The following ATPAF2 variants were observed in gnomAD, a reference collection of about 807,000 sequenced individuals.
ATPAF2 encodes ATP synthase mitochondrial F1 complex assembly factor 2, also known as ATP12 homolog.
ATPAF2 carries 30 observed loss-of-function variants against 36.6 expected under a neutral mutation model. The observed-to-expected ratio is 0.82, with a 90% CI of 0.61 to 1.11. The LOEUF is 1.11. Ranked by LOEUF, ATPAF2 falls within the 50% of genes most tolerant of loss-of-function variation. The pLI, the probability that ATPAF2 is intolerant of heterozygous loss-of-function variation, is 0.00. For synonymous variants in ATPAF2, 140 were observed against 152.6 expected (o/e 0.92, Z 0.61); for missense variants, 321 against 372.3 (o/e 0.86, Z 1.13).
At chr17:18,017,970 ATTTGTTT>A (rs1399373464), downstream of ATPAF2, 1 of 159,950 alleles carries the variant, frequency 6.3e-6, no homozygotes, top group Non-Finnish European at 1.4e-5. Context: ...AGAGTAAATC[ATTTGTTT>A]TAGAACAGTA....
At chr17:18,027,619 C>T (rs2044566714) in intron 3 of ATPAF2, among the ~76,000 whole-genome samples, 1 of 152,214 alleles carries the variant, frequency 6.6e-6, no homozygotes, top group Non-Finnish European at 1.5e-5. Flanking sequence ...GCTGCAGAGG[C>T]TGGACCTAAG....
intron 5 of ATPAF2, 40 bp downstream of exon 5, chr17:18,024,584 G>T: frequency 6.4e-7 from 1 of 1,554,348 alleles, no homozygotes. Flanking sequence ...ACCAAACGCA[G>T]GTGCCCAGTC....
At chr17:18,021,678 G>T in intron 6 of ATPAF2, 67 bp downstream of exon 6, 2 of 1,391,458 alleles carry the variant, frequency 1.4e-6, no homozygotes, top group Non-Finnish European at 2.0e-6. Flanking sequence ...GGAGGGGCAA[G>T]TACAGGCTTC....
Position 18,027,130 on chromosome 17 carries a change from A to C in ATPAF2, c.325-714T>G, listed in dbSNP as rs543829378. 2.6e-5 allele frequency among the ~76,000 whole-genome samples: 4 copies of C among 151,990 alleles called. No homozygotes were observed. The South Asian group carries it at 8.3e-4, about 32-fold the overall frequency. On this transcript the variant is annotated intron_variant, in intron 3 of 7. Coordinates refer to ENST00000474627, the MANE Select transcript of ATPAF2 (RefSeq NM_145691.4). Reference sequence around the variant, plus strand: ...CAGCTGCTTGGGAGGCTGAGACGGGAGAATCGCTTGAACCCAGGAGGCAGA... The same window carrying C: ...CAGCTGCTTGGGAGGCTGAGACGGGCGAATCGCTTGAACCCAGGAGGCAGA...
intron 5 of ATPAF2, 41 bp from the exon 6 acceptor site, chr17:18,021,898 A>G (rs1344362522): frequency 6.4e-7 from 1 of 1,562,786 alleles, no homozygotes; most frequent in Admixed American, 1.7e-5. Context: ...GTCATGCTGT[A>G]GCCCAAGAGC....
At chr17:18,018,965 C>T (rs550131670) in intron 7 of ATPAF2, among the ~76,000 whole-genome samples, 2 of 152,186 alleles carry the variant, frequency 1.3e-5, no homozygotes, top group South Asian at 2.1e-4. Flanking sequence ...GGTGCAACCT[C>T]GCCTCTACAA....
intron 3 of ATPAF2, 21 bp downstream of exon 3, chr17:18,028,211 T>G: frequency 6.2e-7 from 1 of 1,614,000 alleles, no homozygotes; most frequent in South Asian, 1.1e-5. Context: ...AGGGTCCAGG[T>G]TCACACTGTG....
At chr17:18,028,570 CA>C (rs10652393) in intron 2 of ATPAF2, 44 bp downstream of exon 2, 76,451 of 1,300,092 alleles carry the variant, frequency 0.059, no homozygotes, top group Middle Eastern at 0.079. Flanking sequence ...CAACCATTCA[CA>C]AAAAAAAAAA....
downstream of ATPAF2, among the ~76,000 whole-genome samples, chr17:18,017,348 C>T (rs1038866655): frequency 1.3e-5 from 2 of 152,220 alleles, no homozygotes; most frequent in Admixed American, 6.5e-5. Context: ...TGCCGTTTCC[C>T]CTGCCATGCC....
At chr17:18,027,182 T>C (rs914707483) in intron 3 of ATPAF2, among the ~76,000 whole-genome samples, 1 of 151,580 alleles carries the variant, frequency 6.6e-6, no homozygotes, top group Non-Finnish European at 1.5e-5. Context: ...GATTATGCCA[T>C]TGCACTGCAG....
chr17:18,027,625 C>T (rs940669592), intron 3 of ATPAF2, among the ~76,000 whole-genome samples: 5 of 152,206 alleles, frequency 3.3e-5, no homozygotes, highest in African/African-American at 1.2e-4. Context: ...GAGGCTGGAC[C>T]TAAGAGTGTA....
At position 18,019,445 on chromosome 17, in the gene ATPAF2, C is replaced by T. The variant is rs77846809; in HGVS notation, c.733-759G>A. 4.8e-3 allele frequency among the ~76,000 whole-genome samples: 732 copies of T among 152,384 alleles called. 6 individuals carry two copies. Among genetic ancestry groups the T allele is most frequent in the African/African-American group, 0.017 (704 of 41,590 alleles). On this transcript the variant is annotated intron_variant, in intron 7 of 7. Coordinates refer to ENST00000474627, the MANE Select transcript of ATPAF2 (RefSeq NM_145691.4). ...CCTTGCCATGCTGGGCTACAAGTGCCCCCCAGCGCCATGTGGGTGGAATAA... is the reference window on the plus strand; with the variant it reads ...CCTTGCCATGCTGGGCTACAAGTGCTCCCCAGCGCCATGTGGGTGGAATAA...
chr17:18,024,668 A>G lies in ATPAF2; in HGVS notation c.459T>C (p.Leu153=), dbSNP rs773785781. ...TGATTGGATCCCACTCATTCCTTTG[A>G]AGTTCCACTAATGTCTCGGGCTCCT... ...RVEEPETLVE[L]QRNEWDPIIE... Residue 153 remains leucine, a synonymous_variant, in exon 5 of 8, where the codon CTT becomes CTC. Transcript: ENST00000474627. 2.5e-6 allele frequency: 4 copies of G among 1,614,096 alleles called. No individual in the cohort carries two copies. The highest frequency in any genetic ancestry group is 3.4e-6 in the Non-Finnish European group (4 of 1,179,996).
intron 1 of ATPAF2, among the ~76,000 whole-genome samples, chr17:18,036,974 G>A (rs1219031648): frequency 6.6e-6 from 1 of 152,184 alleles, no homozygotes; most frequent in Non-Finnish European, 1.5e-5. Context: ...GGGAGGCTGA[G>A]GCAGGAGAAT....
chr17:18,024,499 G>A (rs547801114), intron 5 of ATPAF2, 125 bp downstream of exon 5: 19 of 807,052 alleles, frequency 2.4e-5, no homozygotes, highest in South Asian at 8.5e-5. Context: ...CAAATCCCAC[G>A]AGTGCTCTGA....
rs1282232111 is a variant in ATPAF2, at chr17:18,030,099, T to A, written c.134-1440A>T. ...ACTTTGGGAGGCGGAGGCGGGTGGATCACCTGAGGTCAGGAGTTCGAGACC... is the reference window on the plus strand; with the variant it reads ...ACTTTGGGAGGCGGAGGCGGGTGGAACACCTGAGGTCAGGAGTTCGAGACC... On this transcript the variant is annotated intron_variant, in intron 1 of 7. Coordinates refer to ENST00000474627, the MANE Select transcript of ATPAF2 (RefSeq NM_145691.4). 2.0e-5 allele frequency among the ~76,000 whole-genome samples: 3 copies of A among 150,782 alleles called. No individual in the cohort carries two copies. In the East Asian group the frequency reaches 5.9e-4, roughly 30 times the overall value.
intron 7 of ATPAF2, among the ~76,000 whole-genome samples, chr17:18,019,148 C>CACACAA (rs1491222629): frequency 1.5e-3 from 1 of 682 alleles, no homozygotes; most frequent in African/African-American, 4.4e-3. Flanking sequence ...TCAAAAACAC[C>CACACAA]ACACACACAC....
chr17:18,026,034 A>G, intron 4 of ATPAF2: 1 of 527,456 alleles, frequency 1.9e-6, no homozygotes, highest in East Asian at 3.4e-5. Flanking sequence ...CCTAGGCCTA[A>G]GGGGCCTGTG....
At chr17:18,026,583 C>T in intron 3 of ATPAF2, 167 bp from the exon 4 acceptor site, 1 of 663,236 alleles carries the variant, frequency 1.5e-6, no homozygotes. Flanking sequence ...GAGAGTGTGC[C>T]ACAACCAGGC....
Sources: allele counts gnomAD v4.1 joint callset (sites outside exome capture counted in the v4.1 genomes callset), GRCh38; gene constraint gnomAD v4.1.1; transcripts MANE v1.5; gene names NCBI Gene and HGNC (gene_info 2026-07-23, HGNC 2026-07-21).